The following PJA2 variants were observed in gnomAD, a reference collection of about 807,000 sequenced individuals.
PJA2 encodes praja ring finger ubiquitin ligase 2.
Under a neutral mutation model 69.3 loss-of-function variants are expected in PJA2, and 25 were observed. That is an observed-to-expected ratio of 0.36 (90% CI 0.26 to 0.50). The LOEUF (loss-of-function observed/expected upper bound fraction) is 0.50, where lower values mean the gene tolerates loss of function less well. PJA2 is among the 20% of genes least tolerant of loss of function. The pLI is 0.96. For missense variants in PJA2, 809 were observed against 830.2 expected, an observed-to-expected ratio of 0.97 and a Z score of 0.31; for synonymous variants, 308 against 277.8, an observed-to-expected ratio of 1.11 and a Z score of -1.08.
chr5:109,349,534 G>A (rs1033951644), intron 7 of PJA2, among the ~76,000 whole-genome samples: 1 of 152,172 alleles, frequency 6.6e-6, no homozygotes, highest in African/African-American at 2.4e-5. Context: ...GGACAGTTCT[G>A]CAGTACAGCA....
rs780187494 is a variant in PJA2, at chr5:109,379,068, T to C, written c.419A>G (p.Asn140Ser). The change falls in exon 4 of 10, where the codon AAT (asparagine) becomes AGT (serine). Residue 140 changes from asparagine to serine, a missense_variant. Physicochemically the swap from Asn to Ser is conservative, Grantham distance 46. This residue lies in a region of PJA2 where 700 missense variants were observed against 639.5 expected (regional missense o/e 1.09). Coordinates refer to ENST00000361189, the MANE Select transcript of PJA2 (RefSeq NM_014819.5). ...DTLGSSTNLH[N>S]HSEGEYIPGA... ...TGGAATATACTCTCCCTCAGAGTGA[T>C]TATGAAGATTTGTACTGCTTCCTAA... is the stretch of plus-strand genomic sequence containing the variant. 5.6e-6 allele frequency: 9 copies of C among 1,614,136 alleles called. No individual in the cohort carries two copies. The highest frequency in any genetic ancestry group is 6.8e-6 in the Non-Finnish European group (8 of 1,180,008).
chr5:109,393,696 G>A (rs183442740), intron 1 of PJA2, among the ~76,000 whole-genome samples: 28 of 151,348 alleles, frequency 1.9e-4, no homozygotes, highest in Admixed American at 1.8e-3. Context: ...ATTCCAAACT[G>A]TAAACAACCC....
chr5:109,342,898 CT>C (rs1168408361), intron 9 of PJA2, among the ~76,000 whole-genome samples: 1 of 64,476 alleles, frequency 1.6e-5, no homozygotes, highest in African/African-American at 8.5e-5. Context: ...GTCAGCCCCC[CT>C]GCCCGGCCAG....
At chr5:109,345,060 C>T (rs1298431736) in intron 7 of PJA2, among the ~76,000 whole-genome samples, 1 of 151,560 alleles carries the variant, frequency 6.6e-6, no homozygotes, top group African/African-American at 2.4e-5. Flanking sequence ...TACCTTGTCT[C>T]GGCCGGGCGC....
At chr5:109,375,316 C>G (rs1340129035) in intron 4 of PJA2, among the ~76,000 whole-genome samples, 1 of 152,030 alleles carries the variant, frequency 6.6e-6, no homozygotes, top group Non-Finnish European at 1.5e-5. Context: ...TCAAGACCAG[C>G]ATGACCAACA....
intron 1 of PJA2, among the ~76,000 whole-genome samples, chr5:109,403,873 C>T (rs1017796301): frequency 1.3e-5 from 2 of 151,820 alleles, no homozygotes; most frequent in Admixed American, 1.3e-4. Context: ...AGTTCAAGAC[C>T]AGCCTGGCCA....
intron 1 of PJA2, among the ~76,000 whole-genome samples, chr5:109,396,426 T>C (rs1309602692): frequency 7.1e-6 from 1 of 141,758 alleles, no homozygotes; most frequent in Non-Finnish European, 1.5e-5. Context: ...AAAGTTCTTT[T>C]TTTTTTTTTT....
At chr5:109,384,420 CT>C (rs2127009414) in intron 1 of PJA2, among the ~76,000 whole-genome samples, 1 of 152,270 alleles carries the variant, frequency 6.6e-6, no homozygotes, top group South Asian at 2.1e-4. Context: ...ACAAAAAGAA[CT>C]TCTGTTTTGA....
intron 7 of PJA2, among the ~76,000 whole-genome samples, chr5:109,354,009 A>G (rs1229681351): frequency 1.4e-5 from 2 of 144,350 alleles, no homozygotes; most frequent in African/African-American, 5.1e-5. Flanking sequence ...AGATATCTAT[A>G]GATTAGATAT....
At chr5:109,401,295 C>T (rs1747540519) in intron 1 of PJA2, among the ~76,000 whole-genome samples, 1 of 151,994 alleles carries the variant, frequency 6.6e-6, no homozygotes, top group South Asian at 2.1e-4. Flanking sequence ...AAAACAACCG[C>T]TACCACCACC....
intron 1 of PJA2, among the ~76,000 whole-genome samples, chr5:109,386,679 A>G (rs1335296836): frequency 6.6e-6 from 1 of 152,128 alleles, no homozygotes; most frequent in Non-Finnish European, 1.5e-5. Flanking sequence ...AAGATCCTCA[A>G]ATAATGGTTT....
At chr5:109,407,364 C>T (rs955348424) in intron 1 of PJA2, among the ~76,000 whole-genome samples, 2 of 152,030 alleles carry the variant, frequency 1.3e-5, no homozygotes, top group African/African-American at 4.8e-5. Flanking sequence ...AAAACAACAA[C>T]ATAAGCATCT....
chr5:109,404,478 T>C (rs1747635864), intron 1 of PJA2, among the ~76,000 whole-genome samples: 1 of 151,896 alleles, frequency 6.6e-6, no homozygotes, highest in Non-Finnish European at 1.5e-5. Context: ...AGACTGCCAC[T>C]GCACTCCAGC....
At position 109,361,115 on chromosome 5, in the gene PJA2, G is replaced by A. The variant is rs577098666; in HGVS notation, c.1652+1725C>T. Among the ~76,000 whole-genome samples the A allele has an allele frequency of 3.5e-4, 53 of 152,214 alleles. 2 individuals are homozygous for A. In the South Asian group the frequency reaches 8.5e-3, roughly 24 times the overall value. On this transcript the variant is annotated intron_variant, in intron 6 of 9. Coordinates refer to ENST00000361189, the MANE Select transcript of PJA2 (RefSeq NM_014819.5). ...TGCACTCCAGCCTGGGCAACAGAAC[G>A]AGACTCCATCTCAAACAAACAAACA...
At chr5:109,353,506 AT>A (rs1762316991) in intron 7 of PJA2, among the ~76,000 whole-genome samples, 1 of 92,500 alleles carries the variant, frequency 1.1e-5, no homozygotes, top group Admixed American at 1.3e-4. Flanking sequence ...TATAATATCT[AT>A]AGATATCTAT....
At chr5:109,385,145 C>T (rs1318170662) in intron 1 of PJA2, among the ~76,000 whole-genome samples, 3 of 152,116 alleles carry the variant, frequency 2.0e-5, no homozygotes, top group Non-Finnish European at 1.5e-5. Context: ...AGATGGAAAA[C>T]CATCAAAGTT....
intron 1 of PJA2, among the ~76,000 whole-genome samples, chr5:109,387,910 A>C (rs1364129204): frequency 1.3e-5 from 2 of 152,210 alleles, no homozygotes; most frequent in East Asian, 3.9e-4. Flanking sequence ...CAAACGAATG[A>C]ATGAATGAGA....
At chr5:109,405,628 T>C (rs2127020562) in intron 1 of PJA2, among the ~76,000 whole-genome samples, 1 of 152,310 alleles carries the variant, frequency 6.6e-6, no homozygotes, top group East Asian at 1.9e-4. Flanking sequence ...ACAAAGTTAA[T>C]TCAATGGGGA....
chr5:109,354,219 A>G (rs954618229), intron 7 of PJA2, among the ~76,000 whole-genome samples: 2 of 147,916 alleles, frequency 1.4e-5, no homozygotes, highest in Non-Finnish European at 1.5e-5. Flanking sequence ...TAGATTAGAT[A>G]TCTATGATGT....
Sources: allele counts gnomAD v4.1 joint callset (sites outside exome capture counted in the v4.1 genomes callset), GRCh38; gene constraint gnomAD v4.1.1; regional missense constraint gnomAD v4.1.1; transcripts MANE v1.5; gene names NCBI Gene and HGNC (gene_info 2026-07-23, HGNC 2026-07-21).